TNR: variants seen among roughly 807,000 people sequenced by gnomAD.
TNR encodes the protein tenascin-R.
In TNR, 45 loss-of-function variants were observed where a neutral mutation model predicts 150.4. The observed-to-expected ratio is 0.30, with a 90% confidence interval of 0.24 to 0.38. The LOEUF is 0.38. TNR is among the 10% of genes least tolerant of loss of function. TNR has a pLI of 1.00. For synonymous variants in TNR, 687 were observed against 678.4 expected, an observed-to-expected ratio of 1.01 and a Z score of -0.20; for missense variants, 1,544 against 1,759.1, an observed-to-expected ratio of 0.88 and a Z score of 2.19.
intron 1 of TNR, among the ~76,000 whole-genome samples, chr1:175,590,719 C>T (rs1662766447): frequency 6.6e-6 from 1 of 152,198 alleles, no homozygotes; most frequent in Non-Finnish European, 1.5e-5. Context: ...GTGAGGAGAA[C>T]TGCAATGGCA....
rs745635174 is a variant in TNR, at chr1:175,366,099, G to A, written c.2093C>T (p.Ser698Leu). The A allele has an allele frequency of 1.4e-5, 23 of 1,612,778 alleles. No individual in the cohort carries two copies. Among genetic ancestry groups the A allele is most frequent in the South Asian group, 2.2e-5 (2 of 90,866 alleles). Residue 698 changes from serine to leucine, a missense_variant, in exon 11 of 23, where the codon TCG becomes TTG. Transcript: ENST00000367674. ...CCAGATGAGGGAGATGGAGGTCTCC[G>A]AGGAGGCTGTCACCATGAGGTCTCG... ...SPRDLMVTAS[S>L]ETSISLIWTK...
intron 1 of TNR, among the ~76,000 whole-genome samples, chr1:175,602,380 TA>T (rs932650094): frequency 2.5e-4 from 38 of 152,204 alleles, no homozygotes; most frequent in Admixed American, 5.2e-4. Flanking sequence ...TGAGTTGAGC[TA>T]AAAAAATGTG....
intron 2 of TNR, among the ~76,000 whole-genome samples, chr1:175,480,000 T>C (rs1174993244): frequency 6.6e-6 from 1 of 152,060 alleles, no homozygotes; most frequent in African/African-American, 2.4e-5. Context: ...CAGGTGGTGA[T>C]ACCAGCCAAG....
chr1:175,561,829 C>T (rs570011674), intron 1 of TNR, among the ~76,000 whole-genome samples: 2 of 152,286 alleles, frequency 1.3e-5, no homozygotes, highest in South Asian at 4.2e-4. Context: ...TTGTAGTACA[C>T]AGTCCCTTAT....
At chr1:175,516,665 C>A (rs1160091008) in intron 2 of TNR, among the ~76,000 whole-genome samples, 1 of 152,160 alleles carries the variant, frequency 6.6e-6, no homozygotes. Flanking sequence ...AGGACCTGAG[C>A]TTTTCCAAAG....
chr1:175,568,866 A>C lies in TNR; in HGVS notation c.-164-40497T>G, dbSNP rs532616453. 7.9e-5 allele frequency among the ~76,000 whole-genome samples: 12 copies of C among 152,336 alleles called. No homozygotes were observed. The East Asian group carries it at 2.3e-3, about 29-fold the overall frequency. ...TTTCACTCTCTTCAGTGCAGACTGC[A>C]TTGAAAAGGAAGAGCTTGCCTTCAT... On this transcript the variant is annotated intron_variant, in intron 1 of 22. Transcript: ENST00000367674.
At chr1:175,474,602 T>G (rs904831616) in intron 2 of TNR, among the ~76,000 whole-genome samples, 6 of 152,226 alleles carry the variant, frequency 3.9e-5, no homozygotes, top group Admixed American at 3.9e-4. Flanking sequence ...GAGCTCATTC[T>G]TAGGGAGAAG....
At chr1:175,718,944 A>G (rs546308308) in intron 1 of TNR, among the ~76,000 whole-genome samples, 1 of 152,296 alleles carries the variant, frequency 6.6e-6, no homozygotes, top group East Asian at 1.9e-4. Flanking sequence ...ACCAGCAAGG[A>G]CGTTCACTTT....
In TNR at chr1:175,426,932, T is replaced by A. The variant is rs200863232; in HGVS notation, c.-63-20155A>T. 2.1e-4 allele frequency among the ~76,000 whole-genome samples: 15 copies of A among 71,236 alleles called. 1 individual carries two copies. Among genetic ancestry groups the A allele is most frequent in the Admixed American group, 4.3e-4 (3 of 6,950 alleles). The allele number at this position is 71,236 out of a possible 152,430, so 46.7% of individuals were successfully genotyped here. On this transcript the variant is annotated intron_variant, in intron 2 of 22. Transcript: ENST00000367674. ...TATATATATAAAATATAAATATATA[T>A]AAAATATATTATATATATATTATAT...
chr1:175,731,684 G>A (rs549433328), intron 1 of TNR, among the ~76,000 whole-genome samples: 1 of 152,294 alleles, frequency 6.6e-6, no homozygotes, highest in Non-Finnish European at 1.5e-5. Flanking sequence ...ACTGTTCCCA[G>A]ATCTCACGCT....
chr1:175,470,538 G>A, intron 2 of TNR, among the ~76,000 whole-genome samples: 1 of 152,034 alleles, frequency 6.6e-6, no homozygotes, highest in Non-Finnish European at 1.5e-5. Context: ...TACATAGTAG[G>A]TGTATATATT....
At chr1:175,518,391 G>A (rs140290886) in intron 2 of TNR, among the ~76,000 whole-genome samples, 18 of 152,188 alleles carry the variant, frequency 1.2e-4, no homozygotes, top group African/African-American at 4.3e-4. Flanking sequence ...GTCTGTCCTC[G>A]ATCCCATCCC....
At chr1:175,544,857 C>T (rs945350640) in intron 1 of TNR, among the ~76,000 whole-genome samples, 1 of 152,178 alleles carries the variant, frequency 6.6e-6, no homozygotes, top group Non-Finnish European at 1.5e-5. Flanking sequence ...TGATATCAGG[C>T]TTGGGCCATG....
chr1:175,667,446 C>T (rs1489612294), intron 1 of TNR, among the ~76,000 whole-genome samples: 1 of 152,218 alleles, frequency 6.6e-6, no homozygotes, highest in Non-Finnish European at 1.5e-5. Context: ...TAAATCATCC[C>T]TTATTCATTC....
At chr1:175,385,647 G>A (rs945772394) in intron 8 of TNR, among the ~76,000 whole-genome samples, 1 of 152,198 alleles carries the variant, frequency 6.6e-6, no homozygotes, top group Admixed American at 6.5e-5. Context: ...TGGTAAGAAT[G>A]TGTCTTGAGA....
At chr1:175,579,192 C>CCTTCCTTCCTTCCTTCCTTCCTTCCTTT (rs1662251054) in intron 1 of TNR, among the ~76,000 whole-genome samples, 1 of 147,248 alleles carries the variant, frequency 6.8e-6, no homozygotes, top group Non-Finnish European at 1.5e-5. Flanking sequence ...TTCCTTCCTT[C>CCTTCCTTCCTTCCTTCCTTCCTTCCTTT]CTTCCTTCCT....
rs533051586 is a variant in TNR, at chr1:175,679,897, T to C, written c.-165+63329A>G. On this transcript the variant is annotated intron_variant, in intron 1 of 22. Coordinates refer to ENST00000367674, the MANE Select transcript of TNR (RefSeq NM_003285.3). ...ATAGCAGTGCCAGTGAGATAATTCATGGTCACTGCCAGCCTATCAAGTCCA... is the reference window on the plus strand; with the variant it reads ...ATAGCAGTGCCAGTGAGATAATTCACGGTCACTGCCAGCCTATCAAGTCCA... Among the ~76,000 whole-genome samples, 25 of 152,200 alleles carry C rather than the reference T, an allele frequency of 1.6e-4. 1 individual carries two copies. The highest frequency in any genetic ancestry group is 4.4e-5 in the Non-Finnish European group (3 of 68,036).
chr1:175,334,728 C>T (rs953329722), intron 20 of TNR, among the ~76,000 whole-genome samples: 1 of 152,136 alleles, frequency 6.6e-6, no homozygotes, highest in Non-Finnish European at 1.5e-5. Context: ...AGCCCCTTGC[C>T]CACCAAATTA....
intron 1 of TNR, among the ~76,000 whole-genome samples, chr1:175,702,230 G>A (rs1666717659): frequency 1.3e-5 from 2 of 152,110 alleles, no homozygotes; most frequent in African/African-American, 4.8e-5. Context: ...CCTGCACTTG[G>A]TGAGGAGCAG....
Sources: allele counts gnomAD v4.1 joint callset (sites outside exome capture counted in the v4.1 genomes callset), GRCh38; gene constraint gnomAD v4.1.1; transcripts MANE v1.5; gene names NCBI Gene and HGNC (gene_info 2026-07-23, HGNC 2026-07-21).